ZNF451: variants seen among roughly 807,000 people sequenced by gnomAD.
ZNF451 encodes the protein zinc finger protein 451, also known as E3 SUMO-protein ligase ZNF451.
ZNF451 carries 80 observed loss-of-function variants against 107.1 expected under a neutral mutation model. The ratio of observed to expected loss-of-function variants is 0.75; its 90% confidence interval spans 0.62 to 0.90. The LOEUF (loss-of-function observed/expected upper bound fraction) is 0.90. Ranked by LOEUF, ZNF451 falls within the 40% of genes least tolerant of loss-of-function variation. The pLI, the probability that ZNF451 is intolerant of heterozygous loss-of-function variation, is 0.00. For missense variants in ZNF451, 1,107 were observed against 1,236.2 expected (o/e 0.90, Z 1.57); for synonymous variants, 362 against 406.5 (o/e 0.89, Z 1.32).
chr6:57,166,333 A>G (rs1177438189), intron 14 of ZNF451, among the ~76,000 whole-genome samples: 1 of 152,184 alleles, frequency 6.6e-6, no homozygotes, highest in East Asian at 1.9e-4. Flanking sequence ...GGCCTATACT[A>G]CATTTAAAAA....
At chr6:57,143,072 A>G (rs1039672870) in intron 9 of ZNF451, among the ~76,000 whole-genome samples, 7 of 152,086 alleles carry the variant, frequency 4.6e-5, no homozygotes, top group Admixed American at 1.3e-4. Context: ...TTCTAGATAC[A>G]AATCTTTTGT....
chr6:57,108,797 T>C, intron 3 of ZNF451: 1 of 985,456 alleles, frequency 1.0e-6, no homozygotes. Context: ...GTACAGGCTC[T>C]GTGCTGATTG....
At chr6:57,138,739 A>G (rs201982838) in intron 7 of ZNF451, among the ~76,000 whole-genome samples, 9,226 of 71,710 alleles carry the variant, frequency 0.13, 555 homozygotes, top group African/African-American at 0.19. Flanking sequence ...ATATATATAT[A>G]TATGTGTGTG....
At chr6:57,104,745 C>G in intron 3 of ZNF451, 1 of 985,376 alleles carries the variant, frequency 1.0e-6, no homozygotes, top group Non-Finnish European at 1.2e-6. Context: ...TTCTCTTTTC[C>G]TCCTGTGATA....
intron 14 of ZNF451, among the ~76,000 whole-genome samples, chr6:57,162,767 C>T (rs532081483): frequency 6.6e-6 from 1 of 152,256 alleles, no homozygotes; most frequent in Admixed American, 6.5e-5. Flanking sequence ...TTTGTGGGCT[C>T]CTAGCTAACC....
chr6:57,148,015 C>T lies in ZNF451; in HGVS notation c.1930C>T (p.Pro644Ser). Residue 644 changes from proline (P) to serine (S), a missense_variant, in exon 10 of 15, where the codon CCT (proline) becomes TCT (serine). Pro to Ser is a moderately conservative substitution (Grantham distance 74, BLOSUM62 -1). Transcript: ENST00000370706. ...ATACAGCTGTGCTCACTGCAGAAAGCCTTTTCATAAGATAGAAACATTGTA... is the reference window on the plus strand; with the variant it reads ...ATACAGCTGTGCTCACTGCAGAAAGTCTTTTCATAAGATAGAAACATTGTA... ...HRYSCAHCRKPFHKIETLYRH... is the reference protein window; with the variant it reads ...HRYSCAHCRKSFHKIETLYRH... The T allele has an allele frequency of 6.2e-7, 1 of 1,614,042 alleles. No homozygotes were observed. Among genetic ancestry groups the T allele is most frequent in the Middle Eastern group, 1.6e-4 (1 of 6,062 alleles).
intron 14 of ZNF451, among the ~76,000 whole-genome samples, chr6:57,167,312 T>C (rs1022696917): frequency 6.6e-6 from 1 of 152,238 alleles, no homozygotes; most frequent in Non-Finnish European, 1.5e-5. Flanking sequence ...GGTCTGTTTC[T>C]GAGCTGTCTA....
chr6:57,156,915 C>T (rs1002746870), intron 13 of ZNF451, among the ~76,000 whole-genome samples: 9 of 152,076 alleles, frequency 5.9e-5, no homozygotes, highest in Non-Finnish European at 1.2e-4. Flanking sequence ...AATCTAATGC[C>T]GCTGCTGATC....
intron 9 of ZNF451, among the ~76,000 whole-genome samples, chr6:57,142,420 A>G (rs1390555945): frequency 1.3e-5 from 2 of 152,234 alleles, no homozygotes; most frequent in African/African-American, 2.4e-5. Context: ...TATCATATAC[A>G]TTTGAAAGAT....
At chr6:57,110,408 ATTCT>A (rs916381711) in intron 3 of ZNF451, among the ~76,000 whole-genome samples, 17 of 152,282 alleles carry the variant, frequency 1.1e-4, no homozygotes, top group African/African-American at 4.1e-4. Context: ...ATCTAGAACA[ATTCT>A]TTCTTTCCCG....
chr6:57,104,160 A>C (rs1243013379), intron 3 of ZNF451: 6 of 985,228 alleles, frequency 6.1e-6, no homozygotes, highest in Admixed American at 6.1e-5. Flanking sequence ...TGTTCTCTAC[A>C]AAGTGTCTTT....
intron 3 of ZNF451, chr6:57,115,483 G>A (rs1212242646): frequency 6.6e-6 from 1 of 152,154 alleles, no homozygotes. Flanking sequence ...TCATGGAGAT[G>A]TTTCGTCAGG....
intron 4 of ZNF451, among the ~76,000 whole-genome samples, chr6:57,125,237 G>C (rs1305562723): frequency 6.6e-6 from 1 of 152,150 alleles, no homozygotes; most frequent in Non-Finnish European, 1.5e-5. Context: ...GATAGAACCA[G>C]ATTGCTTTCT....
chr6:57,120,450 T>A (rs571621986), intron 3 of ZNF451, among the ~76,000 whole-genome samples: 1 of 152,218 alleles, frequency 6.6e-6, no homozygotes, highest in South Asian at 2.1e-4. Flanking sequence ...GTCCAATATG[T>A]TTAGTTTTGT....
Position 57,147,201 on chromosome 6 carries a change from G to T in ZNF451, c.1116G>T (p.Val372=), listed in dbSNP as rs781570954. The change falls in exon 10 of 15, where the codon GTG becomes GTT. Residue 372 remains valine, a synonymous_variant. Coordinates refer to ENST00000370706, the MANE Select transcript of ZNF451 (RefSeq NM_001031623.3). ...GTCCAGATTGCAATCAAGTCTTTGT[G>T]GATGAAACCAGCACCCAAAATCATA... The part of the protein sequence containing the change: ...GYCPDCNQVF[V]DETSTQNHKQ... 3 of 1,614,052 alleles carry T rather than the reference G, an allele frequency of 1.9e-6. No individual in the cohort carries two copies. The South Asian group carries it at 3.3e-5, about 18-fold the overall frequency.
chr6:57,135,130 G>A (rs1831368616), intron 7 of ZNF451, among the ~76,000 whole-genome samples: 3 of 152,092 alleles, frequency 2.0e-5, no homozygotes, highest in South Asian at 2.1e-4. Flanking sequence ...AAATTACCTT[G>A]TTCAAGATGC....
At chr6:57,101,840 C>T (rs1488777246) in intron 3 of ZNF451, 2 of 1,550,554 alleles carry the variant, frequency 1.3e-6, no homozygotes, top group East Asian at 2.4e-5. Context: ...GAGAAGATCT[C>T]CCACTTGCCC....
At chr6:57,111,223 A>G (rs1291994532) in intron 3 of ZNF451, among the ~76,000 whole-genome samples, 3 of 148,362 alleles carry the variant, frequency 2.0e-5, no homozygotes, top group Non-Finnish European at 4.5e-5. Flanking sequence ...ACCAGGCCCC[A>G]TTCCCACTTT....
intron 10 of ZNF451, among the ~76,000 whole-genome samples, chr6:57,149,513 G>A (rs912926900): frequency 2.6e-5 from 4 of 152,018 alleles, no homozygotes; most frequent in African/African-American, 9.7e-5. Flanking sequence ...CCCAAGTGTT[G>A]GGATTACAGG....
Sources: allele counts gnomAD v4.1 joint callset (sites outside exome capture counted in the v4.1 genomes callset), GRCh38; gene constraint gnomAD v4.1.1; transcripts MANE v1.5; gene names NCBI Gene and HGNC (gene_info 2026-07-23, HGNC 2026-07-21).